Variants in AKAP13 observed in about 807,000 individuals in gnomAD.
The protein encoded by AKAP13 is A-kinase anchor protein 13.
AKAP13 carries 80 observed loss-of-function variants against 264.5 expected under a neutral mutation model. The observed-to-expected ratio is 0.30, with a 90% CI of 0.25 to 0.36. The LOEUF (loss-of-function observed/expected upper bound fraction) is 0.36, where lower values mean the gene tolerates loss of function less well. Among genes scored for constraint, AKAP13 ranks in the 10% least tolerant of loss-of-function variants. The pLI, the probability that AKAP13 is intolerant of heterozygous loss-of-function variation, is 1.00. For missense variants in AKAP13, 3,712 were observed against 3,435.2 expected, an observed-to-expected ratio of 1.08 and a Z score of -2.01; for synonymous variants, 1,380 against 1,250.2, an observed-to-expected ratio of 1.10 and a Z score of -2.19.
At chr15:85,620,899 CG>C (rs1403689563) in intron 8 of AKAP13, among the ~76,000 whole-genome samples, 3 of 152,140 alleles carry the variant, frequency 2.0e-5, no homozygotes, top group Non-Finnish European at 4.4e-5. Context: ...CTCCTCCAGC[CG>C]GTAAGATGAG....
At chr15:85,389,821 G>A (rs74586669) in intron 1 of AKAP13, 1 of 152,198 alleles carries the variant, frequency 6.6e-6, no homozygotes, top group Admixed American at 6.5e-5. Context: ...GTCCCCCCGT[G>A]GGGGAGTCTT....
chr15:85,571,731 C>A (rs893531425), intron 5 of AKAP13, among the ~76,000 whole-genome samples: 2 of 152,240 alleles, frequency 1.3e-5, no homozygotes, highest in African/African-American at 4.8e-5. Context: ...TCACCAGTAC[C>A]TTAAATAGTG....
chr15:85,407,251 G>A (rs2071714419), intron 1 of AKAP13, among the ~76,000 whole-genome samples: 2 of 147,376 alleles, frequency 1.4e-5, no homozygotes, highest in East Asian at 2.0e-4. Context: ...TTTTTGGGAC[G>A]GAGTCTTGCT....
intron 10 of AKAP13, among the ~76,000 whole-genome samples, chr15:85,652,513 T>C (rs1336129821): frequency 6.6e-6 from 1 of 152,236 alleles, no homozygotes; most frequent in African/African-American, 2.4e-5. Context: ...CATTTTGCTT[T>C]ATTGGTGTTC....
At chr15:85,450,860 G>A (rs754517078) in intron 1 of AKAP13, among the ~76,000 whole-genome samples, 2 of 152,248 alleles carry the variant, frequency 1.3e-5, no homozygotes, top group East Asian at 1.9e-4. Context: ...TCTGTAAAAG[G>A]TCTGTCAGAT....
At position 85,655,413 on chromosome 15, in the gene AKAP13, A is replaced by G; in HGVS notation, c.4375-4A>G. ...CAACCATATGTGCTTTCTCTCCATT[A>G]CAGCCAGAGGAAGAGCATTTGGCCT... is the stretch of plus-strand genomic sequence containing the variant. On this transcript the variant is annotated splice_polypyrimidine_tract_variant and splice_region_variant and intron_variant, in intron 10 of 36. Coordinates refer to ENST00000394518, the MANE Select transcript of AKAP13 (RefSeq NM_007200.5). 1 of 1,611,630 alleles carries G rather than the reference A, an allele frequency of 6.2e-7. No individual in the cohort carries two copies. Among genetic ancestry groups the G allele is most frequent in the Non-Finnish European group, 8.5e-7 (1 of 1,178,160 alleles).
At chr15:85,545,277 T>G (rs969511951) in intron 5 of AKAP13, among the ~76,000 whole-genome samples, 2 of 152,250 alleles carry the variant, frequency 1.3e-5, no homozygotes, top group Non-Finnish European at 2.9e-5. Context: ...CAGTTAACTC[T>G]GCATAACTAT....
At chr15:85,694,274 G>A (rs531421516) in intron 17 of AKAP13, among the ~76,000 whole-genome samples, 72 of 152,346 alleles carry the variant, frequency 4.7e-4, no homozygotes, top group Admixed American at 9.1e-4. Flanking sequence ...TGCTAACTGA[G>A]CATTGTTCCT....
chr15:85,524,676 A>C (rs1197713750), intron 3 of AKAP13, among the ~76,000 whole-genome samples: 4 of 152,094 alleles, frequency 2.6e-5, no homozygotes, highest in African/African-American at 7.2e-5. Context: ...ATATTTCCCT[A>C]AATAGAGTTG....
At chr15:85,536,246 T>G (rs1267703106) in intron 4 of AKAP13, 1 of 152,212 alleles carries the variant, frequency 6.6e-6, no homozygotes, top group African/African-American at 2.4e-5. Context: ...CAAACCAAAT[T>G]TGAACACTTG....
rs189991937 is a variant in AKAP13, at chr15:85,688,241, T to C, written c.5289+3368T>C. ...CTAACTCTAATCTTGTTCTTAACTA[T>C]TGAATAATGTTACTTCTCCATAATG... On this transcript the variant is annotated intron_variant, in intron 16 of 36. Transcript: ENST00000394518. Among the ~76,000 whole-genome samples, 57 of 152,334 alleles carry C rather than the reference T, an allele frequency of 3.7e-4. No individual in the cohort carries two copies. The Middle Eastern group carries it at 0.01, about 27-fold the overall frequency.
intron 5 of AKAP13, among the ~76,000 whole-genome samples, chr15:85,573,421 C>G (rs951349899): frequency 6.6e-6 from 1 of 152,082 alleles, no homozygotes; most frequent in African/African-American, 2.4e-5. Context: ...TGGGACGCGC[C>G]TGTAATCACA....
At chr15:85,736,424 TGTTTGTTTG>T (rs1296475899) in intron 33 of AKAP13, among the ~76,000 whole-genome samples, 5 of 118,144 alleles carry the variant, frequency 4.2e-5, no homozygotes, top group African/African-American at 1.5e-4. Flanking sequence ...GCTGTTTTTT[TGTTTGTTTG>T]TTTGTTTGTT....
intron 14 of AKAP13, among the ~76,000 whole-genome samples, chr15:85,681,073 C>T (rs922344265): frequency 6.6e-6 from 1 of 152,192 alleles, no homozygotes; most frequent in East Asian, 1.9e-4. Context: ...CTGCCTCTGC[C>T]TCCCAAAGTG....
intron 23 of AKAP13, among the ~76,000 whole-genome samples, chr15:85,721,188 T>C (rs1180516502): frequency 6.6e-6 from 1 of 152,234 alleles, no homozygotes; most frequent in East Asian, 1.9e-4. Context: ...GTTTAACTCA[T>C]AGTATCCGTT....
At chr15:85,639,029 G>T (rs926132998) in intron 8 of AKAP13, among the ~76,000 whole-genome samples, 1 of 152,114 alleles carries the variant, frequency 6.6e-6, no homozygotes, top group African/African-American at 2.4e-5. Flanking sequence ...AAAGTGTTGG[G>T]ATTACTGGCA....
Position 85,599,519 on chromosome 15 carries a change from A to C in AKAP13, c.4161+13696A>C, listed in dbSNP as rs549767143. On this transcript the variant is annotated intron_variant, in intron 8 of 36. Transcript: ENST00000394518. The stretch of plus-strand genomic sequence containing the variant: ...CTCCTGGGTGTCAGAGTTACCGTGT[A>C]TCTCTACCTACTCACTGGTTTTGGT... Among the ~76,000 whole-genome samples, 71 of 152,250 alleles carry C rather than the reference A, an allele frequency of 4.7e-4. 2 individuals are homozygous for C. Among genetic ancestry groups the C allele is most frequent in the African/African-American group, 1.6e-3 (65 of 41,552 alleles).
chr15:85,405,848 C>T (rs909654644), intron 1 of AKAP13, among the ~76,000 whole-genome samples: 2 of 152,072 alleles, frequency 1.3e-5, no homozygotes, highest in Non-Finnish European at 2.9e-5. Flanking sequence ...GCCCTCACCC[C>T]CCACCCTCTT....
intron 14 of AKAP13, among the ~76,000 whole-genome samples, chr15:85,672,150 G>A (rs2083964824): frequency 6.6e-6 from 1 of 152,160 alleles, no homozygotes; most frequent in South Asian, 2.1e-4. Context: ...GCTGTCAAAA[G>A]TGGAGCTTCA....
Sources: allele counts gnomAD v4.1 joint callset (sites outside exome capture counted in the v4.1 genomes callset), GRCh38; gene constraint gnomAD v4.1.1; transcripts MANE v1.5; gene names NCBI Gene and HGNC (gene_info 2026-07-23, HGNC 2026-07-21).